The following KLC1 variants were observed in gnomAD, a reference collection of about 807,000 sequenced individuals.
The protein encoded by KLC1 is kinesin light chain 1, also known as kinesin 2 60/70kDa.
Under a neutral mutation model 84.2 loss-of-function variants are expected in KLC1, and 30 were observed. That is an observed-to-expected ratio of 0.36 (90% CI 0.27 to 0.48). The LOEUF (loss-of-function observed/expected upper bound fraction) is 0.48. Ranked by LOEUF, KLC1 falls within the 20% of genes least tolerant of loss-of-function variation. The probability of loss-of-function intolerance (pLI) is 0.99; values close to 1 mark genes in which losing one functional copy is unlikely to be tolerated. For missense variants in KLC1, 499 were observed against 805.4 expected (o/e 0.62, Z 4.60); for synonymous variants, 289 against 293.3 (o/e 0.99, Z 0.15).
chr14:103,659,150 G>T (rs974831074), intron 3 of KLC1, among the ~76,000 whole-genome samples: 1 of 150,242 alleles, frequency 6.7e-6, no homozygotes, highest in Admixed American at 6.7e-5. Flanking sequence ...GCTAATTTTT[G>T]TATTTTAAGT....
chr14:103,682,939 C>T (rs2081490139), intron 13 of KLC1: 1 of 151,982 alleles, frequency 6.6e-6, no homozygotes, highest in South Asian at 2.1e-4. Context: ...AAAACTACTA[C>T]CATAGGGAAA....
intron 2 of KLC1, 36 bp from the exon 3 acceptor site, chr14:103,657,510 C>T (rs1031324838): frequency 5.8e-6 from 9 of 1,555,838 alleles, no homozygotes; most frequent in African/African-American, 5.4e-5. Flanking sequence ...TGCTGGACAA[C>T]GTGCCACAGT....
chr14:103,696,092 G>GCCCT (rs2082462062), intron 15 of KLC1: 1 of 758,922 alleles, frequency 1.3e-6, no homozygotes, highest in African/African-American at 2.8e-5. Flanking sequence ...TAATCACTGC[G>GCCCT]CCCCCGCCCC....
Position 103,662,135 on chromosome 14 carries a change from C to G in KLC1, c.512C>G (p.Ser171Cys), listed in dbSNP as rs529641846. 5.0e-6 allele frequency: 8 copies of G among 1,613,868 alleles called. No homozygotes were observed. Among genetic ancestry groups the G allele is most frequent in the Middle Eastern group, 1.6e-4 (1 of 6,062 alleles). ...TTATAGGAGGACAAAGACACTGATT[C>G]TACCAAAGAGCCTCTGGATGACCTT... ...ISPSEDKDTD[S>C]TKEPLDDLFP... Residue 171 changes from serine (S) to cysteine (C), a missense_variant, in exon 4 of 17, where the codon TCT becomes TGT. Ser to Cys is a moderately radical substitution (Grantham distance 112). Around this residue, in one of 3 missense-constraint regions of KLC1, gnomAD observed 179 missense variants for 264.2 expected, o/e 0.68. Coordinates refer to ENST00000334553, the MANE Select transcript of KLC1 (RefSeq NM_001394837.1).
At chr14:103,670,583 C>T (rs1006613067) in intron 7 of KLC1, among the ~76,000 whole-genome samples, 1 of 151,458 alleles carries the variant, frequency 6.6e-6, no homozygotes, top group Non-Finnish European at 1.5e-5. Flanking sequence ...GATCCGCCCG[C>T]CTTGGCCTCC....
intron 15 of KLC1, chr14:103,699,213 C>G: frequency 6.5e-7 from 1 of 1,548,630 alleles, no homozygotes; most frequent in Non-Finnish European, 8.7e-7. Context: ...GCTGCAACGG[C>G]TGAGGGTCTT....
intron 13 of KLC1, 196 bp from the exon 14 acceptor site, chr14:103,686,885 G>C (rs1595557866): frequency 3.8e-6 from 1 of 264,424 alleles, no homozygotes; most frequent in East Asian, 6.8e-5. Flanking sequence ...TATCTTTAAT[G>C]AAACTTAAAA....
chr14:103,687,096 T>C lies in KLC1; in HGVS notation c.1666T>C (p.Leu556=). ...VEWNGDGTGS[L]KRSGSFSKLR... ...TTTTTTTCAGGATGGCACTGGATCT[T>C]TAAAACGCAGTGGTTCCTTTAGCAA... Residue 556 remains leucine (L), a synonymous_variant, in exon 14 of 17, where the codon TTA becomes CTA. Coordinates refer to ENST00000334553, the MANE Select transcript of KLC1 (RefSeq NM_001394837.1). The C allele has an allele frequency of 1.3e-6, 2 of 1,542,802 alleles. No homozygotes were observed. Among genetic ancestry groups the C allele is most frequent in the South Asian group, 2.4e-5 (2 of 83,646 alleles).
intron 16 of KLC1, 91 bp downstream of exon 16, chr14:103,700,818 G>C: frequency 1.8e-6 from 2 of 1,082,076 alleles, no homozygotes; most frequent in Non-Finnish European, 2.6e-6. Context: ...CTGGGGATGG[G>C]CAAGTGGTGA....
intron 2 of KLC1, among the ~76,000 whole-genome samples, chr14:103,657,201 G>T (rs2078902842): frequency 6.6e-6 from 1 of 152,112 alleles, no homozygotes; most frequent in Non-Finnish European, 1.5e-5. Flanking sequence ...ATGGGAAAGG[G>T]TCTATAAAAA....
intron 15 of KLC1, chr14:103,699,454 G>A (rs746816769): frequency 1.6e-5 from 25 of 1,612,696 alleles, no homozygotes; most frequent in South Asian, 5.5e-5. Flanking sequence ...CCCTGGGGGC[G>A]GAGGCCTGGC....
intron 15 of KLC1, chr14:103,695,620 A>T (rs946892519): frequency 1.0e-6 from 1 of 985,310 alleles, no homozygotes; most frequent in African/African-American, 1.7e-5. Context: ...GAAAAAGGGC[A>T]TTTAGAAGGA....
At chr14:103,656,488 C>T (rs551103890) in intron 2 of KLC1, among the ~76,000 whole-genome samples, 1 of 152,302 alleles carries the variant, frequency 6.6e-6, no homozygotes, top group South Asian at 2.1e-4. Context: ...CAAAGCTTTG[C>T]TTCTTTCTTA....
rs2082519972 is a variant in KLC1, at chr14:103,696,357, T to A, written c.1848+3932T>A. ...CTCATGGGCAGCACTTGGTCTTGTG[T>A]TTACAGTATTGGAGGGATTCACATC... On this transcript the variant is annotated intron_variant, in intron 15 of 16. Transcript: ENST00000334553. The A allele has an allele frequency of 3.0e-6, 3 of 985,242 alleles. No homozygotes were observed. The South Asian group carries it at 1.4e-4, about 46-fold the overall frequency. 61.0% of individuals were successfully genotyped at this position (985,242 alleles called of 1,614,324 possible). A position where few individuals can be genotyped will look rare whatever the true frequency, so the allele number is the denominator to read the frequency against.
At chr14:103,674,365 G>C (rs2080698122) in intron 9 of KLC1, among the ~76,000 whole-genome samples, 1 of 151,660 alleles carries the variant, frequency 6.6e-6, no homozygotes, top group Non-Finnish European at 1.5e-5. Context: ...AGAAACTTGC[G>C]TGAGTGTTCC....
In KLC1 at chr14:103,657,755, T is replaced by C. The variant is rs200011179; in HGVS notation, c.471T>C (p.Tyr157=). Residue 157 remains tyrosine, a synonymous_variant, in exon 3 of 17, where the codon TAT becomes TAC. Transcript: ENST00000334553. ...HLEFMNQLKK[Y]DDDISPSEDK... The stretch of plus-strand genomic sequence containing the variant: ...AGTTTATGAATCAGCTAAAAAAATA[T>C]GATGACGACATTTCCCCATCCGTGA... 6.8e-6 allele frequency: 11 copies of C among 1,613,892 alleles called. No individual in the cohort carries two copies. The highest frequency in any genetic ancestry group is 1.3e-5 in the African/African-American group (1 of 75,036).
intron 1 of KLC1, among the ~76,000 whole-genome samples, chr14:103,632,361 G>A (rs1169985484): frequency 6.6e-6 from 1 of 151,934 alleles, no homozygotes; most frequent in African/African-American, 2.4e-5. Flanking sequence ...GGAAGTGGAG[G>A]TTGTAGTGAG....
At chr14:103,632,962 G>A (rs998556845) in intron 1 of KLC1, among the ~76,000 whole-genome samples, 2 of 152,146 alleles carry the variant, frequency 1.3e-5, no homozygotes, top group Non-Finnish European at 2.9e-5. Context: ...TTGGGAAGGG[G>A]ACATGGGAGT....
intron 13 of KLC1, among the ~76,000 whole-genome samples, chr14:103,681,591 T>G (rs2081343435): frequency 6.6e-6 from 1 of 152,078 alleles, no homozygotes; most frequent in Non-Finnish European, 1.5e-5. Context: ...CCTGAGGAGC[T>G]GGGATTACAG....
Sources: allele counts gnomAD v4.1 joint callset (sites outside exome capture counted in the v4.1 genomes callset), GRCh38; gene constraint gnomAD v4.1.1; regional missense constraint gnomAD v4.1.1; transcripts MANE v1.5; gene names NCBI Gene and HGNC (gene_info 2026-07-23, HGNC 2026-07-21).